Variants in LRRC27 observed in about 807,000 individuals in gnomAD.
The protein encoded by LRRC27 is leucine rich repeat containing 27.
Under a neutral mutation model 55.0 loss-of-function variants are expected in LRRC27, and 57 were observed. That is an observed-to-expected ratio of 1.04 (90% CI 0.84 to 1.29). The LOEUF is 1.29. Ranked by LOEUF, LRRC27 falls within the 50% of genes most tolerant of loss-of-function variation. The probability of loss-of-function intolerance (pLI) is 0.00; values close to 1 mark genes in which losing one functional copy is unlikely to be tolerated. For missense variants in LRRC27, 721 were observed against 651.5 expected (o/e 1.11, Z -1.16); for synonymous variants, 278 against 251.9 (o/e 1.10, Z -0.98).
At chr10:132,353,517 T>C in intron 7 of LRRC27, 1 of 726,596 alleles carries the variant, frequency 1.4e-6, no homozygotes, top group Non-Finnish European at 1.7e-6. Context: ...TAGTTGGTTG[T>C]CTTTTTCATT....
intron 5 of LRRC27, among the ~76,000 whole-genome samples, chr10:132,347,438 C>T (rs939896909): frequency 1.1e-4 from 17 of 149,404 alleles, no homozygotes; most frequent in African/African-American, 3.2e-4. Flanking sequence ...GAAGGTCAGG[C>T]GTGCTCAGTG....
intron 10 of LRRC27, chr10:132,367,014 G>A: frequency 8.4e-7 from 1 of 1,185,708 alleles, no homozygotes; most frequent in Non-Finnish European, 1.1e-6. Flanking sequence ...CATCGTTTAT[G>A]AGTATGACCT....
At chr10:132,350,202 T>A (rs890451623) in intron 6 of LRRC27, among the ~76,000 whole-genome samples, 20 of 152,190 alleles carry the variant, frequency 1.3e-4, no homozygotes, top group African/African-American at 4.3e-4. Flanking sequence ...AAATCATAGG[T>A]AAATAATGGT....
intron 3 of LRRC27, 113 bp downstream of exon 3, chr10:132,337,808 A>T: frequency 8.0e-7 from 1 of 1,245,272 alleles, no homozygotes; most frequent in East Asian, 2.4e-5. Flanking sequence ...GAATAGAAAC[A>T]TTTAATAGTA....
intron 6 of LRRC27, chr10:132,349,106 C>A: frequency 7.9e-7 from 1 of 1,273,404 alleles, no homozygotes; most frequent in Non-Finnish European, 1.1e-6. Flanking sequence ...GTGTGTGTGC[C>A]TGTGTGTGTG....
chr10:132,374,820 G>A lies in LRRC27; in HGVS notation c.1417-246G>A, dbSNP rs1479860157. Among the ~76,000 whole-genome samples the A allele has an allele frequency of 2.0e-5, 3 of 152,244 alleles. No homozygotes were observed. Among genetic ancestry groups the A allele is most frequent in the Non-Finnish European group, 4.4e-5 (3 of 68,038 alleles). The stretch of plus-strand genomic sequence containing the variant: ...GGGACACCAGGATGAGTGGCCATGT[G>A]TGTGCCTGCAGAGGGTGGTGTCCTC... On this transcript the variant is annotated intron_variant, in intron 10 of 10. Transcript: ENST00000368614. This position sits in a 1 kb window ranked among gnomAD's most constrained non-coding sequence, Gnocchi z 4.4.
Position 132,333,524 on chromosome 10 carries a change from G to C in LRRC27, c.-1G>C. ...GAGCTGCTGTCCCTGGAAGAGAACGGATGGAGGGAAGCAGCTCCTACGAAG... is the reference window on the plus strand; with the variant it reads ...GAGCTGCTGTCCCTGGAAGAGAACGCATGGAGGGAAGCAGCTCCTACGAAG... On this transcript the variant is annotated 5_prime_UTR_variant, in exon 2 of 11. Transcript: ENST00000368614. The C allele has an allele frequency of 6.3e-7, 1 of 1,595,050 alleles. No homozygotes were observed.
chr10:132,358,722 A>AGGTGGTGGAGCAGTGTGGGGAGGAGCCG, intron 8 of LRRC27, among the ~76,000 whole-genome samples: 1 of 11,810 alleles, frequency 8.5e-5, no homozygotes, highest in African/African-American at 6.0e-4. Flanking sequence ...GGGAGGAGCC[A>AGGTGGTGGAGCAGTGTGGGGAGGAGCCG]AGGTGGTGGA....
At chr10:132,359,529 C>CGGGCT (rs779783260) in intron 8 of LRRC27, among the ~76,000 whole-genome samples, 3 of 152,122 alleles carry the variant, frequency 2.0e-5, no homozygotes, top group Non-Finnish European at 4.4e-5. Flanking sequence ...GTGGCACCCA[C>CGGGCT]GGGCTGGGCT....
intron 2 of LRRC27, among the ~76,000 whole-genome samples, chr10:132,335,650 T>C (rs538131169): frequency 6.6e-6 from 1 of 152,074 alleles, no homozygotes; most frequent in East Asian, 1.9e-4. Context: ...GTTCCTCCCC[T>C]GGTTCCTCAT....
chr10:132,335,282 A>G (rs1034389870), intron 2 of LRRC27: 2 of 152,332 alleles, frequency 1.3e-5, no homozygotes, highest in African/African-American at 4.8e-5. Context: ...GCTGAGTACT[A>G]TGGGGGTTAC....
At chr10:132,351,541 A>G (rs2068009849) in intron 6 of LRRC27, 66 bp from the exon 7 acceptor site, 4 of 1,550,572 alleles carry the variant, frequency 2.6e-6, no homozygotes, top group African/African-American at 1.4e-5. Flanking sequence ...TACATTTCAC[A>G]TGTTGTATGA....
chr10:132,375,289 C>T lies in LRRC27; in HGVS notation c.*47C>T, dbSNP rs779359939. 1.3e-6 allele frequency: 2 copies of T among 1,555,972 alleles called. No homozygotes were observed. The highest frequency in any genetic ancestry group is 1.8e-5 in the Admixed American group (1 of 54,816). On this transcript the variant is annotated 3_prime_UTR_variant, in exon 11 of 11. Coordinates refer to ENST00000368614, the MANE Select transcript of LRRC27 (RefSeq NM_030626.3). ...GAGACGTCTTCAGACAGGAGCCGCT[C>T]AGTCTTCTTTCCCGGGCGTCGCCTC...
At chr10:132,338,979 G>A (rs1210951604) in intron 3 of LRRC27, among the ~76,000 whole-genome samples, 1 of 152,174 alleles carries the variant, frequency 6.6e-6, no homozygotes. Flanking sequence ...CAAAGTGCTG[G>A]GATGACAGGC....
chr10:132,350,004 C>T (rs973225798), intron 6 of LRRC27, among the ~76,000 whole-genome samples: 31 of 152,164 alleles, frequency 2.0e-4, no homozygotes, highest in African/African-American at 7.0e-4. Context: ...GGTCTGCGCT[C>T]AGGGTGGTGG....
chr10:132,345,812 T>C lies in LRRC27; in HGVS notation c.553+1162T>C, dbSNP rs184102978. Among the ~76,000 whole-genome samples the C allele has an allele frequency of 1.5e-3, 226 of 152,236 alleles. 1 individual carries two copies. The highest frequency in any genetic ancestry group is 2.8e-3 in the Non-Finnish European group (190 of 68,012). On this transcript the variant is annotated intron_variant, in intron 5 of 10. Coordinates refer to ENST00000368614, the MANE Select transcript of LRRC27 (RefSeq NM_030626.3). ...CACAGGAGACACGGACAGACCCTGC[T>C]GGAGGATCAGGATAAAAAAGAGGAG...
At chr10:132,357,837 C>T (rs1370831528) in intron 8 of LRRC27, among the ~76,000 whole-genome samples, 1 of 152,268 alleles carries the variant, frequency 6.6e-6, no homozygotes, top group African/African-American at 2.4e-5. Context: ...GGGGACCAGG[C>T]ACAGGCCCTG....
rs2069285942 is a variant in LRRC27 at position 132,374,125 on chromosome 10, GC to G, written c.1417-940del. Among the ~76,000 whole-genome samples the G allele has an allele frequency of 8.3e-5, 11 of 133,290 alleles. No individual in the cohort carries two copies. Among genetic ancestry groups the G allele is most frequent in the African/African-American group, 2.9e-4 (9 of 30,754 alleles). 87.4% of individuals were successfully genotyped at this position (133,290 alleles called of 152,430 possible). A position where few individuals can be genotyped will look rare whatever the true frequency, so the allele number is the denominator to read the frequency against. On this transcript the variant is annotated intron_variant, in intron 10 of 10. Coordinates refer to ENST00000368614, the MANE Select transcript of LRRC27 (RefSeq NM_030626.3). The surrounding 1 kb of genome is among the most constrained non-coding windows in gnomAD (Gnocchi z 4.4). ...GGGGGTGCAGTGGCTCCAGGGACCT[GC>G]TGTGATTATGGCTGCATGGTGAGGG...
At chr10:132,352,833 C>G (rs1564840714) in intron 7 of LRRC27, 1 of 1,601,736 alleles carries the variant, frequency 6.2e-7, no homozygotes. Flanking sequence ...TTCCTCACGA[C>G]ACCTGCCTGC....
Sources: allele counts gnomAD v4.1 joint callset (sites outside exome capture counted in the v4.1 genomes callset), GRCh38; gene constraint gnomAD v4.1.1; non-coding constraint Gnocchi (gnomAD v3.1); transcripts MANE v1.5; gene names NCBI Gene and HGNC (gene_info 2026-07-23, HGNC 2026-07-21).